PSMA6: variants seen among roughly 807,000 people sequenced by gnomAD.
PSMA6 encodes the protein proteasome 20S subunit alpha 6.
For missense variants in PSMA6, 170 were observed against 294.8 expected, an observed-to-expected ratio of 0.58 and a Z score of 3.10; for synonymous variants, 88 against 97.7, an observed-to-expected ratio of 0.90 and a Z score of 0.59.
intron 1 of PSMA6, among the ~76,000 whole-genome samples, chr14:35,286,524 G>A (rs1272825099): frequency 6.6e-6 from 1 of 152,012 alleles, no homozygotes; most frequent in Admixed American, 6.6e-5. Flanking sequence ...GACAGAGCTT[G>A]GAAAAACAAG....
intron 1 of PSMA6, among the ~76,000 whole-genome samples, chr14:35,295,027 A>G (rs1209308087): frequency 6.6e-6 from 1 of 152,202 alleles, no homozygotes; most frequent in Admixed American, 6.5e-5. Context: ...ATCAAAAAAT[A>G]GAGGTAGACA....
At chr14:35,289,028 ATTC>A (rs1380174443), upstream of PSMA6, among the ~76,000 whole-genome samples, 21 of 152,246 alleles carry the variant, frequency 1.4e-4, no homozygotes, top group East Asian at 1.9e-4. Context: ...GCTCAAGACA[ATTC>A]TTCTTCCAAT....
chr14:35,312,921 G>A lies in PSMA6; in HGVS notation c.450G>A (p.Gln150=), dbSNP rs1018020028. 3.3e-5 allele frequency: 53 copies of A among 1,596,024 alleles called. No individual in the cohort carries two copies. Among genetic ancestry groups the A allele is most frequent in the Admixed American group, 7.2e-5 (4 of 55,758 alleles). The change falls in exon 5 of 7, where the codon CAG becomes CAA. Residue 150 remains glutamine, a synonymous_variant. Transcript: ENST00000261479. ...GTATAGATGAAGAGCAAGGCCCTCA[G>A]GTATATAAGTGTGATCCTGCAGGTT... ...LIGIDEEQGP[Q]VYKCDPAGYY...
chr14:35,278,971 C>G (rs967757005), intron 1 of PSMA6, among the ~76,000 whole-genome samples: 7 of 152,056 alleles, frequency 4.6e-5, no homozygotes, highest in Non-Finnish European at 7.4e-5. Context: ...GGAACTCTTT[C>G]GTAACATGTT....
At chr14:35,292,158 C>G (rs746195820), upstream of PSMA6, among the ~76,000 whole-genome samples, 15 of 152,214 alleles carry the variant, frequency 9.9e-5, no homozygotes, top group Non-Finnish European at 1.9e-4. Flanking sequence ...TTCGTCCTTG[C>G]TATAGTCAAT....
intron 1 of PSMA6, among the ~76,000 whole-genome samples, chr14:35,302,634 TC>T (rs2051737165): frequency 6.6e-6 from 1 of 152,152 alleles, no homozygotes; most frequent in African/African-American, 2.4e-5. Flanking sequence ...TTCTTTGCTC[TC>T]CATATAGGAC....
intron 1 of PSMA6, among the ~76,000 whole-genome samples, chr14:35,293,701 GA>G (rs2051530604): frequency 6.6e-6 from 1 of 152,134 alleles, no homozygotes; most frequent in African/African-American, 2.4e-5. Context: ...ATCCCCAATT[GA>G]AAAACATGAT....
At chr14:35,287,728 G>T (rs538318727), upstream of PSMA6, among the ~76,000 whole-genome samples, 2 of 152,180 alleles carry the variant, frequency 1.3e-5, no homozygotes, top group South Asian at 2.1e-4. Flanking sequence ...TAACTTGATG[G>T]CCCCACAGAG....
At chr14:35,304,450 G>A (rs1323125703) in intron 1 of PSMA6, among the ~76,000 whole-genome samples, 1 of 152,064 alleles carries the variant, frequency 6.6e-6, no homozygotes, top group Non-Finnish European at 1.5e-5. Context: ...TGTAGTGTAG[G>A]CTGAGCGCGG....
At chr14:35,296,212 GATA>G (rs1205741138) in intron 1 of PSMA6, among the ~76,000 whole-genome samples, 1 of 152,128 alleles carries the variant, frequency 6.6e-6, no homozygotes, top group East Asian at 1.9e-4. Flanking sequence ...GTAAAATAAA[GATA>G]ATAACCACCT....
At chr14:35,302,139 A>T (rs1302549401) in intron 1 of PSMA6, among the ~76,000 whole-genome samples, 2 of 152,072 alleles carry the variant, frequency 1.3e-5, no homozygotes, top group Non-Finnish European at 2.9e-5. Flanking sequence ...TAGGACATAG[A>T]TATATTTTGG....
chr14:35,289,704 G>C (rs1207492624), upstream of PSMA6, among the ~76,000 whole-genome samples: 1 of 152,060 alleles, frequency 6.6e-6, no homozygotes, highest in Non-Finnish European at 1.5e-5. Context: ...AGGATCCCTT[G>C]AGGCCAGGAG....
exon 1 of PSMA6, chr14:35,278,668 AC>A: frequency 2.6e-6 from 4 of 1,534,928 alleles, no homozygotes; most frequent in Non-Finnish European, 3.5e-6. Flanking sequence ...TGGAGCCTCC[AC>A]CTCATGAAGT....
chr14:35,280,090 A>G (rs1052520156), intron 1 of PSMA6, among the ~76,000 whole-genome samples: 6 of 149,638 alleles, frequency 4.0e-5, no homozygotes, highest in Admixed American at 6.8e-5. Context: ...GCGCCACTAC[A>G]CTCCAGCTCC....
chr14:35,306,406 A>T (rs1189774403), intron 1 of PSMA6, among the ~76,000 whole-genome samples: 4 of 152,252 alleles, frequency 2.6e-5, no homozygotes, highest in African/African-American at 4.8e-5. Context: ...AAAATTTTTT[A>T]AAAAAGAAAA....
intron 1 of PSMA6, among the ~76,000 whole-genome samples, chr14:35,299,947 G>T (rs10148143): frequency 0.049 from 7,384 of 152,172 alleles, 261 homozygotes; most frequent in African/African-American, 0.097. Context: ...AGATGAATTG[G>T]CCCAGATGAA....
At chr14:35,292,622 A>C (rs1465398564) in intron 1 of PSMA6, 70 bp downstream of exon 1, 8 of 1,575,440 alleles carry the variant, frequency 5.1e-6, no homozygotes, top group Non-Finnish European at 6.9e-6. Context: ...GAGCGAGCAG[A>C]CGCGGCCCGG....
At position 35,281,871 on chromosome 14, in the gene PSMA6, C is replaced by T. The variant is rs149671747; in HGVS notation, c.19+3153C>T. On this transcript the variant is annotated intron_variant, in intron 1 of 6. Transcript: ENST00000540871. ...CTCAAGGTGCTAGGATTACAGGCAT[C>T]AGCCACTACTCCTGGCCCTAGGTTA... Among the ~76,000 whole-genome samples, 340 of 152,290 alleles carry T rather than the reference C, an allele frequency of 2.2e-3. 3 individuals are homozygous for T. Among genetic ancestry groups the T allele is most frequent in the African/African-American group, 7.8e-3 (324 of 41,562 alleles).
At chr14:35,312,455 C>T (rs1307921808) in intron 4 of PSMA6, among the ~76,000 whole-genome samples, 1 of 140,890 alleles carries the variant, frequency 7.1e-6, no homozygotes, top group Admixed American at 7.5e-5. Flanking sequence ...TGCAGTGAGC[C>T]GAGATCGTGC....
Sources: allele counts gnomAD v4.1 joint callset (sites outside exome capture counted in the v4.1 genomes callset), GRCh38; gene constraint gnomAD v4.1.1; transcripts MANE v1.5; gene names NCBI Gene and HGNC (gene_info 2026-07-23, HGNC 2026-07-21).